PAICS: variants seen among roughly 807,000 people sequenced by gnomAD.
PAICS encodes bifunctional phosphoribosylaminoimidazole carboxylase/phosphoribosylaminoimidazole succinocarboxamide synthetase.
A neutral mutation model predicts 53.7 loss-of-function variants in PAICS; 33 were observed. The ratio of observed to expected loss-of-function variants is 0.61; its 90% CI spans 0.47 to 0.82. The LOEUF (loss-of-function observed/expected upper bound fraction) is 0.82. Ranked by LOEUF, PAICS falls within the 40% of genes least tolerant of loss-of-function variation. The pLI is 0.00. For synonymous variants in PAICS, 141 were observed against 167.2 expected, an observed-to-expected ratio of 0.84 and a Z score of 1.21; for missense variants, 394 against 494.1, an observed-to-expected ratio of 0.80 and a Z score of 1.92.
the PAICS span, among the ~76,000 whole-genome samples, chr4:56,413,202 C>G: frequency 6.6e-6 from 1 of 152,178 alleles, no homozygotes; most frequent in Non-Finnish European, 1.5e-5. Context: ...CTCTGTCACC[C>G]AGGCTGGAGT....
chr4:56,451,788 C>T lies in PAICS; in HGVS notation c.772-84C>T, dbSNP rs561737224. On this transcript the variant is annotated intron_variant, in intron 6 of 8. Coordinates refer to ENST00000512576, the MANE Select transcript of PAICS (RefSeq NM_001079524.2). ...CTGTTAAGAAAGAAAATATTGGGCC[C>T]AGATATAATTTTACTACAAACTCTA... 118 of 740,694 alleles carry T rather than the reference C, an allele frequency of 1.6e-4. No individual in the cohort carries two copies. The African/African-American group carries it at 1.8e-3, about 11-fold the overall frequency. 45.9% of individuals were successfully genotyped at this position (740,694 alleles called of 1,614,324 possible).
intron 5 of PAICS, among the ~76,000 whole-genome samples, chr4:56,450,137 CAG>C (rs998178905): frequency 1.3e-5 from 2 of 152,076 alleles, no homozygotes; most frequent in East Asian, 1.9e-4. Context: ...CACATGGACA[CAG>C]GGAGGGGAAC....
chr4:56,427,764 C>G, the PAICS span, among the ~76,000 whole-genome samples: 1 of 152,070 alleles, frequency 6.6e-6, no homozygotes, highest in South Asian at 2.1e-4. Flanking sequence ...CCCCTGTCAC[C>G]CCCTGCTGCA....
the PAICS span, among the ~76,000 whole-genome samples, chr4:56,418,414 G>A: frequency 0.025 from 3,803 of 152,126 alleles, 78 homozygotes; most frequent in Non-Finnish European, 0.033. Context: ...CCACCTCCCC[G>A]ACTCAAGCAA....
At chr4:56,452,189 T>C in intron 7 of PAICS, 137 bp downstream of exon 7, 1 of 601,346 alleles carries the variant, frequency 1.7e-6, no homozygotes, top group Non-Finnish European at 2.9e-6. Context: ...TAGGCTTTCT[T>C]TTTTTTTGAG....
intron 8 of PAICS, among the ~76,000 whole-genome samples, chr4:56,457,710 G>C (rs1719294679): frequency 1.4e-5 from 2 of 147,950 alleles, no homozygotes; most frequent in Non-Finnish European, 3.0e-5. Flanking sequence ...CTGTTGCCCA[G>C]GCTAGAATGC....
upstream of PAICS, chr4:56,435,308 G>A (rs1451528725): frequency 1.2e-6 from 2 of 1,610,744 alleles, no homozygotes; most frequent in African/African-American, 1.3e-5. Context: ...GGCTCCGAGA[G>A]ATGGAGACGC....
intron 1 of PAICS, among the ~76,000 whole-genome samples, chr4:56,438,160 C>T (rs1252378753): frequency 6.6e-6 from 1 of 151,956 alleles, no homozygotes; most frequent in African/African-American, 2.4e-5. Context: ...TCCCTTCTAC[C>T]TCTTCAGCCC....
the PAICS span, chr4:56,420,039 G>A: frequency 2.0e-6 from 2 of 975,958 alleles, no homozygotes; most frequent in Non-Finnish European, 2.4e-6. Context: ...AATGGGAGAG[G>A]ACCAGACAGG....
upstream of PAICS, chr4:56,435,495 G>A: frequency 6.2e-7 from 1 of 1,613,024 alleles, no homozygotes; most frequent in East Asian, 2.2e-5. Flanking sequence ...CCGAAAGCAC[G>A]TGGAAGGACC....
intron 1 of PAICS, among the ~76,000 whole-genome samples, chr4:56,437,604 C>G (rs185321245): frequency 8.6e-5 from 13 of 151,826 alleles, no homozygotes; most frequent in African/African-American, 3.1e-4. Flanking sequence ...GGGCGGATCA[C>G]GAGGTCAGGA....
rs1387973009 is a variant in PAICS at position 56,453,590 on chromosome 4, G to C, written c.953-13G>C. The C allele has an allele frequency of 6.5e-7, 1 of 1,536,174 alleles. No homozygotes were observed. The highest frequency in any genetic ancestry group is 2.3e-5 in the East Asian group (1 of 43,148). On this transcript the variant is annotated splice_polypyrimidine_tract_variant and intron_variant, in intron 7 of 8. Coordinates refer to ENST00000512576, the MANE Select transcript of PAICS (RefSeq NM_001079524.2). ...GAATGTTTAGCATAATTATACTCTTGTCATTTCCCTAGGGGATGGCATTCC... is the reference window on the plus strand; with the variant it reads ...GAATGTTTAGCATAATTATACTCTTCTCATTTCCCTAGGGGATGGCATTCC...
chr4:56,413,501 T>C, the PAICS span, among the ~76,000 whole-genome samples: 4,082 of 152,244 alleles, frequency 0.027, 203 homozygotes, highest in African/African-American at 0.092. Context: ...CCAAAATAAC[T>C]GTACTTCACT....
At position 56,439,660 on chromosome 4, in the gene PAICS, C is replaced by CT. The variant is rs201760782; in HGVS notation, c.17-1994dup. Among the ~76,000 whole-genome samples the CT allele has an allele frequency of 1.8e-3, 265 of 151,006 alleles. 1 individual carries two copies. Among genetic ancestry groups the CT allele is most frequent in the Admixed American group, 3.0e-3 (45 of 15,172 alleles). On this transcript the variant is annotated intron_variant, in intron 1 of 8. Transcript: ENST00000512576. ...GACCAAGACATTTCTTTTTCTTTTC[C>CT]TTTTTTTTTATTGAGACAGGGTCTC...
At chr4:56,443,119 G>A (rs995378867) in intron 2 of PAICS, among the ~76,000 whole-genome samples, 2 of 152,160 alleles carry the variant, frequency 1.3e-5, no homozygotes, top group Non-Finnish European at 2.9e-5. Flanking sequence ...TCTAAAGAGA[G>A]CATCAAATTA....
chr4:56,444,877 C>CA (rs1287812158), intron 2 of PAICS, among the ~76,000 whole-genome samples: 1 of 152,002 alleles, frequency 6.6e-6, no homozygotes, highest in Non-Finnish European at 1.5e-5. Flanking sequence ...GCTTGGTAGA[C>CA]AAATGAGCAA....
At chr4:56,457,936 A>G (rs1410980848) in intron 8 of PAICS, among the ~76,000 whole-genome samples, 2 of 152,056 alleles carry the variant, frequency 1.3e-5, no homozygotes, top group Non-Finnish European at 2.9e-5. Context: ...TACTGTTTTT[A>G]TAGGCTCTGA....
chr4:56,442,096 A>G (rs1018694324), intron 2 of PAICS: 2 of 427,718 alleles, frequency 4.7e-6, no homozygotes, highest in Non-Finnish European at 8.4e-6. Context: ...TTTATCTGGC[A>G]CATGCACTCT....
chr4:56,436,671 T>G (rs1299409702), intron 1 of PAICS: 1 of 549,708 alleles, frequency 1.8e-6, no homozygotes, highest in African/African-American at 1.9e-5. Context: ...ATGACCTTTC[T>G]AAGAAGGTTA....
Sources: gnomAD v4.1 joint callset for allele counts (sites outside exome capture counted in the v4.1 genomes callset) on GRCh38, gnomAD v4.1.1 for gene constraint, MANE v1.5 for transcripts, NCBI Gene and HGNC (gene_info 2026-07-23, HGNC 2026-07-21) for gene names.